MBD5: variants seen among roughly 807,000 people sequenced by gnomAD.
MBD5 encodes methyl-CpG-binding domain protein 5.
Under a neutral mutation model 117.3 loss-of-function variants are expected in MBD5, and 13 were observed. The ratio of observed to expected loss-of-function variants is 0.11; its 90% CI spans 0.07 to 0.18. The LOEUF is 0.18. Among genes scored for constraint, MBD5 ranks in the 10% least tolerant of loss-of-function variants. The pLI is 1.00. For missense variants in MBD5, 1,879 were observed against 2,093.8 expected (o/e 0.90, Z 2.00); for synonymous variants, 727 against 766.4 (o/e 0.95, Z 0.85).
At chr2:148,157,768 A>G (rs914316068) in intron 1 of MBD5, among the ~76,000 whole-genome samples, 3 of 152,212 alleles carry the variant, frequency 2.0e-5, no homozygotes, top group African/African-American at 7.2e-5. Flanking sequence ...AATAATACAC[A>G]TAGAAGTAAG....
chr2:148,249,901 C>T (rs1027822941), intron 3 of MBD5, among the ~76,000 whole-genome samples: 3 of 152,042 alleles, frequency 2.0e-5, no homozygotes, highest in African/African-American at 7.2e-5. Flanking sequence ...GCTTCACATC[C>T]GACAGTGCAC....
chr2:148,037,424 T>C (rs1694224514), intron 1 of MBD5, among the ~76,000 whole-genome samples: 1 of 152,006 alleles, frequency 6.6e-6, no homozygotes, highest in African/African-American at 2.4e-5. Flanking sequence ...TAAATCCTGA[T>C]GTAATTAAAC....
chr2:148,188,462 G>C (rs1329116382), intron 2 of MBD5, among the ~76,000 whole-genome samples: 1 of 152,030 alleles, frequency 6.6e-6, no homozygotes, highest in East Asian at 1.9e-4. Context: ...AAGGGAGGAG[G>C]ATCACTTGAG....
intron 10 of MBD5, among the ~76,000 whole-genome samples, chr2:148,486,162 T>A (rs1176628530): frequency 6.6e-6 from 1 of 152,194 alleles, no homozygotes; most frequent in Non-Finnish European, 1.5e-5. Flanking sequence ...GCAGTTCTTT[T>A]GGAGCTGTTA....
chr2:148,319,161 A>G (rs1399317932), intron 3 of MBD5, among the ~76,000 whole-genome samples: 1 of 152,190 alleles, frequency 6.6e-6, no homozygotes, highest in Non-Finnish European at 1.5e-5. Context: ...ATAGCCTTGT[A>G]GTGTAAACCG....
At chr2:148,053,529 T>C (rs1322755080) in intron 1 of MBD5, among the ~76,000 whole-genome samples, 1 of 152,022 alleles carries the variant, frequency 6.6e-6, no homozygotes, top group African/African-American at 2.4e-5. Flanking sequence ...CTAATGTGAA[T>C]TTTGGGTTTA....
Position 148,215,706 on chromosome 2 carries a change from TTTG to T in MBD5, c.-830-17538_-830-17536del, listed in dbSNP as rs1433086742. 8.2e-4 allele frequency among the ~76,000 whole-genome samples: 119 copies of T among 145,100 alleles called. 1 individual carries two copies. Among genetic ancestry groups the T allele is most frequent in the Non-Finnish European group, 1.1e-3 (73 of 65,378 alleles). On this transcript the variant is annotated intron_variant, in intron 2 of 13. Coordinates refer to ENST00000642680, the MANE Select transcript of MBD5 (RefSeq NM_001378120.1). The stretch of plus-strand genomic sequence containing the variant: ...CCGGCTAATTTTTTTTTTTTTTTTT[TTTG>T]GTAGAAACAAAGTTTTGCTATATCG...
intron 1 of MBD5, among the ~76,000 whole-genome samples, chr2:148,163,522 A>T (rs11893213): frequency 0.012 from 1,875 of 152,196 alleles, 44 homozygotes; most frequent in African/African-American, 0.043. Flanking sequence ...TTCAAGCGAC[A>T]ATCCTACCTC....
Position 148,470,141 on chromosome 2 carries a change from C to T in MBD5, c.2198C>T (p.Ser733Phe), listed in dbSNP as rs1438163020. ...CGASNTALPC[S>F]ANQLHFTDPS... ...GCCTCAAATACTGCTTTGCCTTGCT[C>T]TGCTAACCAGCTGCATTTTACAGAT... The change falls in exon 8 of 14, where the codon TCT becomes TTT. Residue 733 changes from serine to phenylalanine, a missense_variant. Ser to Phe is a radical substitution (Grantham distance 155, BLOSUM62 -2). Coordinates refer to ENST00000642680, the MANE Select transcript of MBD5 (RefSeq NM_001378120.1). The T allele has an allele frequency of 8.7e-6, 14 of 1,613,810 alleles. No individual in the cohort carries two copies. Among genetic ancestry groups the T allele is most frequent in the Middle Eastern group, 1.6e-4 (1 of 6,082 alleles).
At chr2:148,027,837 T>C (rs776708640) in intron 1 of MBD5, 8 of 152,166 alleles carry the variant, frequency 5.3e-5, no homozygotes, top group Non-Finnish European at 1.5e-5. Flanking sequence ...TGTTATATAT[T>C]AGAAAAGTTT....
chr2:148,231,543 G>T (rs1044038083), intron 2 of MBD5, among the ~76,000 whole-genome samples: 1 of 134,664 alleles, frequency 7.4e-6, no homozygotes, highest in African/African-American at 2.6e-5. Context: ...TCTTATGAAG[G>T]TGCTTTTTTT....
At position 148,400,750 on chromosome 2, in the gene MBD5, G is replaced by A. The variant is rs147513703; in HGVS notation, c.-556-57453G>A. Among the ~76,000 whole-genome samples the A allele has an allele frequency of 5.7e-3, 874 of 152,152 alleles. 5 individuals carry two copies. The highest frequency in any genetic ancestry group is 8.0e-3 in the Non-Finnish European group (545 of 67,992). ...TTTGAGTAGACTTATCAAACTTGCA[G>A]TTAGCCAAATGTCTTTTTTATGTCA... On this transcript the variant is annotated intron_variant, in intron 4 of 13. Transcript: ENST00000642680.
chr2:148,031,791 A>G (rs939870430), intron 1 of MBD5, among the ~76,000 whole-genome samples: 4 of 152,138 alleles, frequency 2.6e-5, no homozygotes, highest in African/African-American at 9.7e-5. Flanking sequence ...AACATGCAAG[A>G]ATACTAGCTA....
At chr2:148,502,593 G>A in intron 12 of MBD5, 84 bp downstream of exon 12, 1 of 1,332,582 alleles carries the variant, frequency 7.5e-7, no homozygotes, top group Non-Finnish European at 1.1e-6. Flanking sequence ...AAATCTCACT[G>A]ATTCTGTCCA....
At chr2:148,146,235 T>C (rs1216980557) in intron 1 of MBD5, among the ~76,000 whole-genome samples, 2 of 151,102 alleles carry the variant, frequency 1.3e-5, no homozygotes, top group East Asian at 1.9e-4. Flanking sequence ...TTCTTGCCAC[T>C]TAGAAATTAT....
intron 3 of MBD5, among the ~76,000 whole-genome samples, chr2:148,251,338 A>G (rs916557870): frequency 2.0e-5 from 3 of 152,172 alleles, no homozygotes; most frequent in Non-Finnish European, 2.9e-5. Context: ...TTCCAGTTGC[A>G]GTGAAGTTAA....
At chr2:148,347,502 AC>A (rs1201928753) in intron 4 of MBD5, 2 of 151,980 alleles carry the variant, frequency 1.3e-5, no homozygotes, top group African/African-American at 4.8e-5. Context: ...ATCCTCTCCT[AC>A]ACTCCCTGCT....
At position 148,291,612 on chromosome 2, in the gene MBD5, A is replaced by C. The variant is rs536029470; in HGVS notation, c.-679-50602A>C. ...TCCTGCAATTTTGCTGAACTTGTTA[A>C]TTTTTGTAGATTTTTAGAACATTCC... On this transcript the variant is annotated intron_variant, in intron 3 of 13. Transcript: ENST00000642680. Among the ~76,000 whole-genome samples, 241 of 152,260 alleles carry C rather than the reference A, an allele frequency of 1.6e-3. 3 individuals carry two copies. In the South Asian group the frequency reaches 0.049, roughly 31 times the overall value.
chr2:148,254,965 T>C (rs1406479871), intron 3 of MBD5, among the ~76,000 whole-genome samples: 1 of 152,210 alleles, frequency 6.6e-6, no homozygotes, highest in Non-Finnish European at 1.5e-5. Flanking sequence ...GGCATTGTTA[T>C]GGAACCCCAA....
Sources: allele counts gnomAD v4.1 joint callset (sites outside exome capture counted in the v4.1 genomes callset), GRCh38; gene constraint gnomAD v4.1.1; transcripts MANE v1.5; gene names NCBI Gene and HGNC (gene_info 2026-07-23, HGNC 2026-07-21).